RETREG1: variants seen among roughly 807,000 people sequenced by gnomAD.
The protein encoded by RETREG1 is family with sequence similarity 134 member B.
Under a neutral mutation model 54.8 loss-of-function variants are expected in RETREG1, and 44 were observed. The observed-to-expected ratio is 0.80, with a 90% confidence interval of 0.63 to 1.03. The LOEUF (loss-of-function observed/expected upper bound fraction) is 1.03, where lower values mean the gene tolerates loss of function less well. Ranked by LOEUF, RETREG1 falls within the 50% of genes least tolerant of loss-of-function variation. The probability of loss-of-function intolerance (pLI) is 0.00; values close to 1 mark genes in which losing one functional copy is unlikely to be tolerated. For missense variants in RETREG1, 554 were observed against 605.1 expected (o/e 0.92, Z 0.89); for synonymous variants, 217 against 238.5 (o/e 0.91, Z 0.83).
At chr5:16,592,318 C>CA (rs1354821083) in intron 1 of RETREG1, among the ~76,000 whole-genome samples, 2 of 152,142 alleles carry the variant, frequency 1.3e-5, no homozygotes, top group Non-Finnish European at 2.9e-5. Context: ...TATTACTGAT[C>CA]ATGAGAGAAA....
At chr5:16,554,310 T>C (rs1302252220) in intron 3 of RETREG1, among the ~76,000 whole-genome samples, 2 of 152,212 alleles carry the variant, frequency 1.3e-5, no homozygotes, top group East Asian at 1.9e-4. Flanking sequence ...GTCCCTGACC[T>C]TGGATTCCTA....
intron 3 of RETREG1, among the ~76,000 whole-genome samples, chr5:16,528,456 T>C (rs766355210): frequency 1.6e-4 from 24 of 152,140 alleles, no homozygotes; most frequent in Non-Finnish European, 2.8e-4. Flanking sequence ...CACCTTGTGA[T>C]GGATATATAT....
At chr5:16,495,800 C>CAA (rs150429253) in intron 3 of RETREG1, among the ~76,000 whole-genome samples, 12,027 of 144,884 alleles carry the variant, frequency 0.083, 552 homozygotes, top group East Asian at 0.22. Flanking sequence ...GACTCTGTCT[C>CAA]AAAAAAAAAA....
At chr5:16,614,187 C>T (rs114960303) in intron 1 of RETREG1, among the ~76,000 whole-genome samples, 2,886 of 152,136 alleles carry the variant, frequency 0.019, 93 homozygotes, top group African/African-American at 0.066. Flanking sequence ...ATCAAATATG[C>T]CTTTCAATTA....
chr5:16,556,308 G>A (rs754460980), intron 3 of RETREG1, among the ~76,000 whole-genome samples: 3 of 151,870 alleles, frequency 2.0e-5, no homozygotes, highest in South Asian at 2.1e-4. Context: ...GGCACCCGCC[G>A]CCACGCCCGG....
Position 16,575,706 on chromosome 5 carries a change from G to A in RETREG1, c.321-3604C>T, listed in dbSNP as rs145499919. 3.1e-3 allele frequency among the ~76,000 whole-genome samples: 479 copies of A among 152,320 alleles called. 3 individuals are homozygous for A. Among genetic ancestry groups the A allele is most frequent in the African/African-American group, 0.01 (428 of 41,566 alleles). ...ATTGGCCAAGGTCTTGTTGGTCATC[G>A]AGAATCCTCGGTCCACTGAGAAGAC... On this transcript the variant is annotated intron_variant, in intron 1 of 8. Coordinates refer to ENST00000306320, the MANE Select transcript of RETREG1 (RefSeq NM_001034850.3).
rs1009014922 is a variant in RETREG1, at chr5:16,508,650, C to T, written c.459-25178G>A. ...AAAATAATAACAGTGGCAAAGGCTG[C>T]AGCACCTGCTAACCACGGCTAATGT... On this transcript the variant is annotated intron_variant, in intron 3 of 8. Transcript: ENST00000306320. The T allele has an allele frequency of 5.0e-6, 8 of 1,613,888 alleles. No individual in the cohort carries two copies. The Admixed American group carries it at 1.3e-4, about 27-fold the overall frequency.
intron 3 of RETREG1, among the ~76,000 whole-genome samples, chr5:16,560,638 T>C (rs1196735069): frequency 6.6e-6 from 1 of 152,226 alleles, no homozygotes; most frequent in Admixed American, 6.5e-5. Flanking sequence ...GGGAGGTTTC[T>C]GAGCTCAGCA....
intron 3 of RETREG1, among the ~76,000 whole-genome samples, chr5:16,538,443 C>T (rs374086695): frequency 6.6e-6 from 1 of 152,098 alleles, no homozygotes; most frequent in African/African-American, 2.4e-5. Context: ...GGAATGCAGC[C>T]CACGTGTCAG....
At position 16,479,054 on chromosome 5, in the gene RETREG1, T is replaced by G; in HGVS notation, c.671-67A>C. 3 of 1,464,016 alleles carry G rather than the reference T, an allele frequency of 2.0e-6. No individual in the cohort carries two copies. In the South Asian group the frequency reaches 3.6e-5, roughly 17 times the overall value. The allele number at this position is 1,464,016 out of a possible 1,614,324, so 90.7% of individuals were successfully genotyped here. On this transcript the variant is annotated intron_variant, in intron 5 of 8. Transcript: ENST00000306320. ...CAAAAGGCTACGTACATTTCAGTATTTCACAAAATACTACATTTCTTTACT... is the reference window on the plus strand; with the variant it reads ...CAAAAGGCTACGTACATTTCAGTATGTCACAAAATACTACATTTCTTTACT...
chr5:16,490,603 C>T (rs575776808), intron 3 of RETREG1, among the ~76,000 whole-genome samples: 18 of 147,882 alleles, frequency 1.2e-4, no homozygotes, highest in African/African-American at 4.4e-4. Flanking sequence ...ATCCTTACAA[C>T]CAACCTGTGA....
chr5:16,478,155 A>T, intron 6 of RETREG1, 57 bp from the exon 7 acceptor site: 1 of 1,068,462 alleles, frequency 9.4e-7, no homozygotes. Flanking sequence ...GACATAGTGC[A>T]TTTATTTCAT....
chr5:16,599,098 C>T (rs1317765916), intron 1 of RETREG1, among the ~76,000 whole-genome samples: 1 of 152,156 alleles, frequency 6.6e-6, no homozygotes. Context: ...GTCCCAGCTA[C>T]TCAGGAGGCT....
chr5:16,602,388 T>C (rs1270855142), intron 1 of RETREG1, among the ~76,000 whole-genome samples: 1 of 151,992 alleles, frequency 6.6e-6, no homozygotes, highest in Non-Finnish European at 1.5e-5. Context: ...CAGTGGGGTA[T>C]CAGAGGAGAC....
chr5:16,602,294 AG>A (rs1356819681), intron 1 of RETREG1, among the ~76,000 whole-genome samples: 1 of 152,100 alleles, frequency 6.6e-6, no homozygotes, highest in Non-Finnish European at 1.5e-5. Flanking sequence ...GTTTTAAGCA[AG>A]GGTCCAGTAT....
chr5:16,567,733 G>T (rs1181673085), intron 2 of RETREG1, among the ~76,000 whole-genome samples: 1 of 152,050 alleles, frequency 6.6e-6, no homozygotes, highest in Non-Finnish European at 1.5e-5. Flanking sequence ...AAAACGGGGG[G>T]ATCACTTGAG....
intron 3 of RETREG1, among the ~76,000 whole-genome samples, chr5:16,532,565 T>C (rs1740946107): frequency 6.6e-6 from 1 of 152,184 alleles, no homozygotes; most frequent in Non-Finnish European, 1.5e-5. Flanking sequence ...TAGATGTCAC[T>C]TTTTATTTTG....
intron 3 of RETREG1, among the ~76,000 whole-genome samples, chr5:16,520,900 A>C (rs913703935): frequency 1.3e-5 from 2 of 152,076 alleles, no homozygotes; most frequent in African/African-American, 4.8e-5. Context: ...GGACAGGAGT[A>C]GCCTCTGGAA....
intron 1 of RETREG1, among the ~76,000 whole-genome samples, chr5:16,614,248 A>AG (rs980520714): frequency 5.9e-4 from 31 of 52,158 alleles, no homozygotes; most frequent in South Asian, 8.9e-4. Flanking sequence ...AAAACATCAT[A>AG]GAAAAAAGTT....
Sources: gnomAD v4.1 joint callset for allele counts (sites outside exome capture counted in the v4.1 genomes callset) on GRCh38, gnomAD v4.1.1 for gene constraint, MANE v1.5 for transcripts, NCBI Gene and HGNC (gene_info 2026-07-23, HGNC 2026-07-21) for gene names.